Variants in DEPDC1B observed in about 807,000 individuals in gnomAD.
The protein encoded by DEPDC1B is DEP domain containing 1B.
A neutral mutation model predicts 66.5 loss-of-function variants in DEPDC1B; 51 were observed. That is an observed-to-expected ratio of 0.77 (90% confidence interval 0.61 to 0.97). DEPDC1B has a LOEUF of 0.97. DEPDC1B is among the 50% of genes least tolerant of loss of function. The pLI is 0.00. For synonymous variants in DEPDC1B, 226 were observed against 223.6 expected, an observed-to-expected ratio of 1.01 and a Z score of -0.10; for missense variants, 552 against 637.1, an observed-to-expected ratio of 0.87 and a Z score of 1.44.
intron 7 of DEPDC1B, among the ~76,000 whole-genome samples, chr5:60,619,703 G>A (rs1016460534): frequency 3.3e-5 from 5 of 152,176 alleles, no homozygotes; most frequent in Non-Finnish European, 7.3e-5. Context: ...TTGTGAAAAT[G>A]GCCATACTGC....
chr5:60,619,894 A>G (rs1162614378), intron 7 of DEPDC1B, among the ~76,000 whole-genome samples: 1 of 152,230 alleles, frequency 6.6e-6, no homozygotes, highest in African/African-American at 2.4e-5. Context: ...AAACTATACT[A>G]CAAGGCTACA....
chr5:60,603,826 C>CATATATATATATATAT (rs34747463), intron 8 of DEPDC1B, among the ~76,000 whole-genome samples: 197 of 146,098 alleles, frequency 1.3e-3, no homozygotes, highest in South Asian at 0.01. Context: ...TTTAAATATA[C>CATATATATATATATAT]ATATATATAT....
chr5:60,614,556 C>T (rs923812767), intron 7 of DEPDC1B, among the ~76,000 whole-genome samples: 1 of 151,826 alleles, frequency 6.6e-6, no homozygotes, highest in African/African-American at 2.4e-5. Context: ...AATCTCTTCT[C>T]TTTTTTTTAA....
chr5:60,613,022 T>G (rs1370048616), intron 7 of DEPDC1B, among the ~76,000 whole-genome samples: 2 of 152,224 alleles, frequency 1.3e-5, no homozygotes, highest in Non-Finnish European at 2.9e-5. Context: ...ATGCATTGCT[T>G]TTTTGTAGTC....
chr5:60,608,293 C>G (rs1426988078), intron 7 of DEPDC1B, among the ~76,000 whole-genome samples: 1 of 152,068 alleles, frequency 6.6e-6, no homozygotes, highest in African/African-American at 2.4e-5. Flanking sequence ...TCACCTTATC[C>G]TTACTGCATT....
At chr5:60,597,944 A>C in intron 10 of DEPDC1B, 30 bp from the exon 11 acceptor site, 1 of 1,531,522 alleles carries the variant, frequency 6.5e-7, no homozygotes. Context: ...AAGAAGAGTA[A>C]AAAAAGACAC....
intron 7 of DEPDC1B, among the ~76,000 whole-genome samples, chr5:60,617,976 T>A (rs1293844658): frequency 6.6e-6 from 1 of 152,192 alleles, no homozygotes; most frequent in Non-Finnish European, 1.5e-5. Flanking sequence ...AACTCAGGAT[T>A]AAGAAACTCA....
At chr5:60,669,390 T>G (rs1753977765) in intron 2 of DEPDC1B, among the ~76,000 whole-genome samples, 1 of 152,164 alleles carries the variant, frequency 6.6e-6, no homozygotes, top group Non-Finnish European at 1.5e-5. Context: ...ACTTACAGAC[T>G]TTGTACCCAA....
intron 2 of DEPDC1B, among the ~76,000 whole-genome samples, chr5:60,662,315 G>A (rs571560034): frequency 6.4e-4 from 98 of 152,214 alleles, no homozygotes; most frequent in African/African-American, 1.8e-3. Flanking sequence ...GTGAACCCGG[G>A]AGGCAGAGCT....
At chr5:60,665,338 G>A (rs1753813608) in intron 2 of DEPDC1B, among the ~76,000 whole-genome samples, 2 of 152,184 alleles carry the variant, frequency 1.3e-5, no homozygotes, top group Non-Finnish European at 2.9e-5. Flanking sequence ...AAACTATGAA[G>A]CAGATAGTCA....
rs536396820 is a variant in DEPDC1B, at chr5:60,695,027, T to C, written c.48+5019A>G. Among the ~76,000 whole-genome samples the C allele has an allele frequency of 5.3e-5, 8 of 152,322 alleles. 1 individual carries two copies. The highest frequency in any genetic ancestry group is 1.9e-4 in the African/African-American group (8 of 41,582). ...TTCTCTTAAGAAAGCTTCCCTATCC[T>C]GAGGTATTAAAATATTTATCAAAAT... is the stretch of plus-strand genomic sequence containing the variant. On this transcript the variant is annotated intron_variant, in intron 1 of 10. Transcript: ENST00000265036.
intron 2 of DEPDC1B, among the ~76,000 whole-genome samples, chr5:60,650,561 C>T (rs1247253812): frequency 1.3e-5 from 2 of 152,154 alleles, no homozygotes; most frequent in African/African-American, 2.4e-5. Context: ...AAAATGGCCC[C>T]CAGTTGCGAA....
intron 2 of DEPDC1B, among the ~76,000 whole-genome samples, chr5:60,655,153 G>A (rs1753548652): frequency 6.7e-6 from 1 of 149,040 alleles, no homozygotes. Context: ...GATTTAGGGA[G>A]GATTCCCTCT....
chr5:60,617,429 A>G (rs1282612064), intron 7 of DEPDC1B, among the ~76,000 whole-genome samples: 1 of 152,186 alleles, frequency 6.6e-6, no homozygotes, highest in African/African-American at 2.4e-5. Flanking sequence ...CTCAAATTAA[A>G]GGGATGGAGG....
chr5:60,666,477 C>G (rs1037361260), intron 2 of DEPDC1B, among the ~76,000 whole-genome samples: 2 of 152,138 alleles, frequency 1.3e-5, no homozygotes, highest in African/African-American at 4.8e-5. Flanking sequence ...ATGTGGTACT[C>G]TCCCCTTTTC....
chr5:60,644,180 A>AT (rs1248659458), intron 5 of DEPDC1B, among the ~76,000 whole-genome samples: 1 of 152,134 alleles, frequency 6.6e-6, no homozygotes, highest in Non-Finnish European at 1.5e-5. Flanking sequence ...CCCTAACCAC[A>AT]TTTTTACAAA....
intron 7 of DEPDC1B, among the ~76,000 whole-genome samples, chr5:60,627,944 A>C (rs1323551274): frequency 2.0e-5 from 3 of 152,218 alleles, no homozygotes; most frequent in African/African-American, 7.2e-5. Flanking sequence ...AAGTAGGTAC[A>C]ATCAGGTCAA....
chr5:60,612,509 C>A (rs1444582984), intron 7 of DEPDC1B, among the ~76,000 whole-genome samples: 4 of 145,390 alleles, frequency 2.8e-5, no homozygotes, highest in African/African-American at 1.0e-4. Flanking sequence ...AGATTTTAAG[C>A]CCACTGTTGA....
chr5:60,699,208 C>T (rs1482860639), intron 1 of DEPDC1B, among the ~76,000 whole-genome samples: 1 of 152,012 alleles, frequency 6.6e-6, no homozygotes, highest in African/African-American at 2.4e-5. Flanking sequence ...GATGTTAGTT[C>T]CCATCTTTTC....
Sources: allele counts gnomAD v4.1 joint callset (sites outside exome capture counted in the v4.1 genomes callset), GRCh38; gene constraint gnomAD v4.1.1; transcripts MANE v1.5; gene names NCBI Gene and HGNC (gene_info 2026-07-23, HGNC 2026-07-21).